BRINP3: variants seen among roughly 807,000 people sequenced by gnomAD.
The protein encoded by BRINP3 is BMP/retinoic acid-inducible neural-specific protein 3.
A neutral mutation model predicts 71.0 loss-of-function variants in BRINP3; 19 were observed. The ratio of observed to expected loss-of-function variants is 0.27; its 90% CI spans 0.19 to 0.39. BRINP3 has a LOEUF of 0.39. BRINP3 is among the 10% of genes least tolerant of loss of function. The pLI is 1.00. For missense variants in BRINP3, 959 were observed against 940.8 expected, an observed-to-expected ratio of 1.02 and a Z score of -0.25; for synonymous variants, 380 against 337.7, an observed-to-expected ratio of 1.13 and a Z score of -1.37.
intron 2 of BRINP3, among the ~76,000 whole-genome samples, chr1:190,389,580 G>A (rs751857686): frequency 7.2e-5 from 11 of 151,756 alleles, no homozygotes; most frequent in Admixed American, 2.6e-4. Flanking sequence ...ATTGAAGTGA[G>A]TAGCTATATT....
chr1:190,390,508 A>G (rs546394749), intron 2 of BRINP3, among the ~76,000 whole-genome samples: 127 of 151,928 alleles, frequency 8.4e-4, no homozygotes, highest in African/African-American at 3.0e-3. Context: ...GGATTATGAC[A>G]GAAACAAAAC....
At chr1:190,164,079 T>G (rs901699913) in intron 6 of BRINP3, among the ~76,000 whole-genome samples, 3 of 152,092 alleles carry the variant, frequency 2.0e-5, no homozygotes, top group Non-Finnish European at 4.4e-5. Context: ...AGTGGGGAAC[T>G]GAAAATTTTG....
rs189247915 is a variant in BRINP3 at position 190,177,238 on chromosome 1, C to T, written c.962-16348G>A. 2.8e-5 allele frequency among the ~76,000 whole-genome samples: 4 copies of T among 140,856 alleles called. No individual in the cohort carries two copies. The East Asian group carries it at 6.7e-4, about 24-fold the overall frequency. The allele number at this position is 140,856 out of a possible 152,430, so 92.4% of individuals were successfully genotyped here. A position where few individuals can be genotyped will look rare whatever the true frequency, so the allele number is the denominator to read the frequency against. ...AGTGCAGTGGCGCGGTCTCCACTCA[C>T]TGCAAACTCTGCCTCCCAGATTTAC... On this transcript the variant is annotated intron_variant, in intron 6 of 7. Coordinates refer to ENST00000367462, the MANE Select transcript of BRINP3 (RefSeq NM_199051.3).
intron 4 of BRINP3, among the ~76,000 whole-genome samples, chr1:190,253,304 T>G (rs934051739): frequency 6.6e-6 from 1 of 152,214 alleles, no homozygotes; most frequent in Non-Finnish European, 1.5e-5. Context: ...ATGGGATCAC[T>G]GGCTCAAATG....
rs1472875542 is a variant in BRINP3, at chr1:190,342,840, A to T, written c.237-61090T>A. On this transcript the variant is annotated intron_variant, in intron 2 of 7. Coordinates refer to ENST00000367462, the MANE Select transcript of BRINP3 (RefSeq NM_199051.3). ...AATGAATAAATATAGATGTTTAAAC[A>T]TATGAAGTATATCTCAAATGATAAA... 6 of 151,878 alleles carry T rather than the reference A, an allele frequency of 4.0e-5. No homozygotes were observed. In the East Asian group the frequency reaches 1.2e-3, roughly 29 times the overall value. The allele number at this position is 151,878 out of a possible 1,614,324, so 9.4% of individuals were successfully genotyped here.
intron 6 of BRINP3, among the ~76,000 whole-genome samples, chr1:190,200,904 T>C (rs1558058942): frequency 6.6e-6 from 1 of 152,170 alleles, no homozygotes; most frequent in Non-Finnish European, 1.5e-5. Flanking sequence ...AAAAGCCTCT[T>C]TCTTTTGTAA....
At chr1:190,419,446 G>T (rs969235398) in intron 2 of BRINP3, among the ~76,000 whole-genome samples, 1 of 151,894 alleles carries the variant, frequency 6.6e-6, no homozygotes, top group African/African-American at 2.4e-5. Context: ...AATTGAGTTT[G>T]AAGCTGAGTA....
chr1:190,131,898 T>C (rs185180504), intron 7 of BRINP3, among the ~76,000 whole-genome samples: 1 of 152,172 alleles, frequency 6.6e-6, no homozygotes, highest in East Asian at 1.9e-4. Context: ...TTTGGAAATA[T>C]ATGGATATAA....
At chr1:190,348,045 A>G (rs1668137752) in intron 2 of BRINP3, among the ~76,000 whole-genome samples, 1 of 152,134 alleles carries the variant, frequency 6.6e-6, no homozygotes, top group Non-Finnish European at 1.5e-5. Flanking sequence ...TAAACCTAGG[A>G]AGCATATGCA....
At chr1:190,297,270 A>G (rs1664322097) in intron 2 of BRINP3, among the ~76,000 whole-genome samples, 1 of 152,122 alleles carries the variant, frequency 6.6e-6, no homozygotes, top group African/African-American at 2.4e-5. Flanking sequence ...CAATGGTGTG[A>G]AGAACACACA....
chr1:190,299,990 C>T (rs1295604889), intron 2 of BRINP3, among the ~76,000 whole-genome samples: 1 of 151,926 alleles, frequency 6.6e-6, no homozygotes, highest in East Asian at 1.9e-4. Flanking sequence ...ACTTTTTTTC[C>T]TTCATTTCAA....
At chr1:190,301,214 T>TACACACACATAC (rs1264756341) in intron 2 of BRINP3, among the ~76,000 whole-genome samples, 1 of 66,988 alleles carries the variant, frequency 1.5e-5, no homozygotes, top group Non-Finnish European at 3.5e-5. Context: ...CATATATATA[T>TACACACACATAC]ATATATATAT....
intron 6 of BRINP3, among the ~76,000 whole-genome samples, chr1:190,206,250 CAT>C (rs1274340403): frequency 6.6e-6 from 1 of 151,898 alleles, no homozygotes; most frequent in Non-Finnish European, 1.5e-5. Context: ...TTAAAATAAA[CAT>C]GGAACTCTTG....
intron 2 of BRINP3, among the ~76,000 whole-genome samples, chr1:190,414,750 T>C (rs1233067548): frequency 6.6e-6 from 1 of 152,214 alleles, no homozygotes; most frequent in Non-Finnish European, 1.5e-5. Flanking sequence ...GCAATGTTAC[T>C]AAGGCAGAGG....
chr1:190,336,885 T>C (rs1667324819), intron 2 of BRINP3, among the ~76,000 whole-genome samples: 1 of 146,620 alleles, frequency 6.8e-6, no homozygotes, highest in Non-Finnish European at 1.5e-5. Context: ...CTTCCTTCCT[T>C]CCTTCCTCCC....
intron 7 of BRINP3, among the ~76,000 whole-genome samples, chr1:190,120,189 T>G (rs1032921219): frequency 6.6e-6 from 1 of 152,192 alleles, no homozygotes; most frequent in Non-Finnish European, 1.5e-5. Flanking sequence ...GAATGTAGAA[T>G]TCTGAAAATC....
chr1:190,267,979 C>A (rs1168662592), intron 3 of BRINP3, among the ~76,000 whole-genome samples: 1 of 151,972 alleles, frequency 6.6e-6, no homozygotes, highest in Non-Finnish European at 1.5e-5. Context: ...TAAAAATCAT[C>A]ATATACAATA....
intron 3 of BRINP3, among the ~76,000 whole-genome samples, chr1:190,275,721 A>T (rs1662498005): frequency 6.6e-6 from 1 of 151,660 alleles, no homozygotes; most frequent in Non-Finnish European, 1.5e-5. Context: ...AAAATGTCCA[A>T]TGTTCTAGAA....
intron 2 of BRINP3, among the ~76,000 whole-genome samples, chr1:190,372,577 G>A (rs1292544650): frequency 1.3e-5 from 2 of 152,168 alleles, no homozygotes; most frequent in African/African-American, 4.8e-5. Context: ...GCAGGTCTGT[G>A]TTAATGTACT....
Sources: gnomAD v4.1 joint callset for allele counts (sites outside exome capture counted in the v4.1 genomes callset) on GRCh38, gnomAD v4.1.1 for gene constraint, MANE v1.5 for transcripts, NCBI Gene and HGNC (gene_info 2026-07-23, HGNC 2026-07-21) for gene names.